Variants in SHTN1 observed in about 807,000 individuals in gnomAD.
The protein encoded by SHTN1 is shootin 1.
In SHTN1, 42 loss-of-function variants were observed where a neutral mutation model predicts 83.1. The observed-to-expected ratio is 0.51, with a 90% CI of 0.39 to 0.65. SHTN1 has a LOEUF of 0.65. Ranked by LOEUF, SHTN1 falls within the 30% of genes least tolerant of loss-of-function variation. The probability of loss-of-function intolerance (pLI) is 0.00; values close to 1 mark genes in which losing one functional copy is unlikely to be tolerated. For missense variants in SHTN1, 622 were observed against 737.8 expected, an observed-to-expected ratio of 0.84 and a Z score of 1.82; for synonymous variants, 224 against 247.7, an observed-to-expected ratio of 0.90 and a Z score of 0.90.
intron 3 of SHTN1, 55 bp from the exon 4 acceptor site, chr10:116,960,285 A>C (rs539753296): frequency 3.8e-5 from 36 of 957,110 alleles, no homozygotes; most frequent in Middle Eastern, 2.1e-4. Context: ...CAGCTATTCC[A>C]GGAGCCCACG....
At chr10:117,078,193 T>C (rs993514260) in intron 1 of SHTN1, among the ~76,000 whole-genome samples, 1 of 152,190 alleles carries the variant, frequency 6.6e-6, no homozygotes, top group Non-Finnish European at 1.5e-5. Context: ...AAGCACGTCT[T>C]TGAAGAACTA....
At chr10:116,891,109 C>A (rs147787100) in intron 16 of SHTN1, among the ~76,000 whole-genome samples, 6 of 152,282 alleles carry the variant, frequency 3.9e-5, no homozygotes, top group Non-Finnish European at 8.8e-5. Flanking sequence ...TTATTTCATG[C>A]AAATTCTGCA....
chr10:117,083,474 T>C (rs1465017386), intron 1 of SHTN1, among the ~76,000 whole-genome samples: 1 of 151,840 alleles, frequency 6.6e-6, no homozygotes, highest in East Asian at 1.9e-4. Flanking sequence ...TAATATTTTT[T>C]CCTTCATTTC....
intron 1 of SHTN1, among the ~76,000 whole-genome samples, chr10:117,098,152 G>T (rs1289062926): frequency 6.6e-6 from 1 of 150,960 alleles, no homozygotes; most frequent in Non-Finnish European, 1.5e-5. Context: ...ACTTTGGGAG[G>T]CCAAGAAGGG....
chr10:116,901,975 A>C lies in SHTN1; in HGVS notation c.1481-18T>G. 6.4e-7 allele frequency: 1 copy of C among 1,563,978 alleles called. No homozygotes were observed. The highest frequency in any genetic ancestry group is 8.6e-7 in the Non-Finnish European group (1 of 1,160,464). On this transcript the variant is annotated intron_variant, in intron 15 of 16. Transcript: ENST00000355371. Reference sequence around the variant, plus strand: ...AGTTGGACCTTAAAACCAAACACATACCTCAAGTTTAATAATTCTGTATGA... The same window carrying C: ...AGTTGGACCTTAAAACCAAACACATCCCTCAAGTTTAATAATTCTGTATGA...
intron 1 of SHTN1, among the ~76,000 whole-genome samples, chr10:117,065,871 A>G (rs1589917855): frequency 2.5e-5 from 1 of 40,696 alleles, no homozygotes; most frequent in African/African-American, 9.1e-5. Flanking sequence ...GGAGGGAGGG[A>G]GGGAGGGAGG....
At chr10:117,045,914 C>A (rs1172347227) in intron 2 of SHTN1, among the ~76,000 whole-genome samples, 1 of 151,902 alleles carries the variant, frequency 6.6e-6, no homozygotes, top group Non-Finnish European at 1.5e-5. Context: ...GTAAGGTAAG[C>A]AGACAGATAA....
intron 1 of SHTN1, 28 bp from the exon 2 acceptor site, chr10:116,979,336 C>A: frequency 6.2e-7 from 1 of 1,601,296 alleles, no homozygotes; most frequent in Non-Finnish European, 8.5e-7. Context: ...AGCAACATTA[C>A]AACACTGTCA....
chr10:116,977,850 CT>C (rs1850865096), intron 2 of SHTN1, among the ~76,000 whole-genome samples: 3 of 152,000 alleles, frequency 2.0e-5, no homozygotes, highest in Admixed American at 6.6e-5. Context: ...AATTTTTTAA[CT>C]TTTTTGTAAA....
chr10:116,933,800 C>G (rs1849056931), intron 9 of SHTN1, among the ~76,000 whole-genome samples: 1 of 152,180 alleles, frequency 6.6e-6, no homozygotes, highest in African/African-American at 2.4e-5. Flanking sequence ...TAAAAGCATT[C>G]CTATTTCTCC....
At chr10:116,916,210 G>T (rs1848378128) in intron 12 of SHTN1, among the ~76,000 whole-genome samples, 1 of 152,146 alleles carries the variant, frequency 6.6e-6, no homozygotes, top group African/African-American at 2.4e-5. Flanking sequence ...ATAAAAAAGA[G>T]GTGGAGATGT....
chr10:116,963,692 T>A (rs1025148714), intron 3 of SHTN1, among the ~76,000 whole-genome samples: 7 of 152,142 alleles, frequency 4.6e-5, no homozygotes, highest in African/African-American at 1.7e-4. Context: ...GGTGTATGGG[T>A]GTACAGTTGG....
intron 1 of SHTN1, among the ~76,000 whole-genome samples, chr10:117,083,774 A>G (rs1853307544): frequency 6.6e-6 from 1 of 151,910 alleles, no homozygotes; most frequent in Non-Finnish European, 1.5e-5. Flanking sequence ...TTCTCGCTTC[A>G]TTTCATTCAT....
intron 4 of SHTN1, among the ~76,000 whole-genome samples, chr10:116,956,889 T>A (rs191038757): frequency 1.1e-4 from 17 of 152,148 alleles, no homozygotes; most frequent in African/African-American, 3.6e-4. Context: ...AAAGAAGAAA[T>A]GTAAGATTTA....
intron 1 of SHTN1, among the ~76,000 whole-genome samples, chr10:116,983,687 AATACATACATACATACATACATAC>A (rs3981231): frequency 5.0e-5 from 3 of 60,332 alleles, no homozygotes; most frequent in South Asian, 5.4e-4. Context: ...TAGATAGATA[AATACATACATACATACATACATAC>A]ATACATACAT....
intron 10 of SHTN1, among the ~76,000 whole-genome samples, chr10:116,928,176 G>C (rs565404896): frequency 6.6e-6 from 1 of 152,274 alleles, no homozygotes; most frequent in East Asian, 1.9e-4. Flanking sequence ...GGGTAGGAAG[G>C]AGTAGGCTGA....
At chr10:116,900,865 A>T (rs1847705416) in intron 16 of SHTN1, 1 of 985,292 alleles carries the variant, frequency 1.0e-6, no homozygotes, top group Admixed American at 6.1e-5. Flanking sequence ...AGAGAAAAAA[A>T]AGTTAATAGT....
chr10:117,065,794 A>G (rs1401453290), intron 1 of SHTN1, among the ~76,000 whole-genome samples: 16 of 16,508 alleles, frequency 9.7e-4, no homozygotes, highest in Admixed American at 2.5e-3. Context: ...GGAAGGAAGG[A>G]AGGAAGGAAG....
chr10:116,893,637 T>C (rs1416225301), intron 16 of SHTN1, among the ~76,000 whole-genome samples: 2 of 99,762 alleles, frequency 2.0e-5, no homozygotes, highest in Non-Finnish European at 4.3e-5. Context: ...GAGGAAATGG[T>C]GGGGGTGGGA....
Sources: allele counts gnomAD v4.1 joint callset (sites outside exome capture counted in the v4.1 genomes callset), GRCh38; gene constraint gnomAD v4.1.1; transcripts MANE v1.5; gene names NCBI Gene and HGNC (gene_info 2026-07-23, HGNC 2026-07-21).